DLG2: variants seen among roughly 807,000 people sequenced by gnomAD.
The protein encoded by DLG2 is discs large MAGUK scaffold protein 2, also known as disks large homolog 2.
Under a neutral mutation model 132.5 loss-of-function variants are expected in DLG2, and 45 were observed. The ratio of observed to expected loss-of-function variants is 0.34; its 90% CI spans 0.27 to 0.44. The LOEUF (loss-of-function observed/expected upper bound fraction) is 0.44, where lower values mean the gene tolerates loss of function less well. Ranked by LOEUF, DLG2 falls within the 20% of genes least tolerant of loss-of-function variation. DLG2 has a pLI of 1.00. For missense variants in DLG2, 1,045 were observed against 1,196.9 expected (o/e 0.87, Z 1.87); for synonymous variants, 424 against 419.6 (o/e 1.01, Z -0.13).
At chr11:84,624,857 CTTTTT>C (rs776520040) in intron 6 of DLG2, among the ~76,000 whole-genome samples, 5 of 76,198 alleles carry the variant, frequency 6.6e-5, no homozygotes, top group African/African-American at 2.3e-4. Context: ...GAGAGTCAAC[CTTTTT>C]TTTTTTTTTT....
chr11:84,531,775 T>C (rs1441523207), intron 7 of DLG2, among the ~76,000 whole-genome samples: 1 of 152,158 alleles, frequency 6.6e-6, no homozygotes, highest in African/African-American at 2.4e-5. Context: ...GTGCCCTCAA[T>C]AAAAGGCTAG....
At chr11:84,576,168 C>T (rs1014403856) in intron 6 of DLG2, among the ~76,000 whole-genome samples, 1 of 152,190 alleles carries the variant, frequency 6.6e-6, no homozygotes. Flanking sequence ...TATCATTCTG[C>T]CATATAATAC....
At chr11:83,928,783 A>T (rs780547789) in intron 15 of DLG2, among the ~76,000 whole-genome samples, 1 of 152,206 alleles carries the variant, frequency 6.6e-6, no homozygotes. Flanking sequence ...TATTGTGAGG[A>T]TTAAGAGAAA....
At chr11:85,399,215 A>G (rs1179632944) in intron 3 of DLG2, among the ~76,000 whole-genome samples, 3 of 152,104 alleles carry the variant, frequency 2.0e-5, no homozygotes, top group African/African-American at 4.8e-5. Context: ...TAGGAATCCA[A>G]CTTCCAGGGG....
At chr11:85,564,158 A>G (rs1301995442) in intron 3 of DLG2, among the ~76,000 whole-genome samples, 1 of 152,064 alleles carries the variant, frequency 6.6e-6, no homozygotes, top group Non-Finnish European at 1.5e-5. Context: ...TTATAATACA[A>G]GTCATTTGTC....
intron 6 of DLG2, among the ~76,000 whole-genome samples, chr11:84,547,282 T>TA (rs2154523275): frequency 6.6e-6 from 1 of 152,312 alleles, no homozygotes; most frequent in African/African-American, 2.4e-5. Flanking sequence ...TGCCTTTTAC[T>TA]GTTTTGAATT....
intron 8 of DLG2, among the ~76,000 whole-genome samples, chr11:84,205,517 A>C (rs1260868293): frequency 6.6e-6 from 1 of 151,586 alleles, no homozygotes; most frequent in African/African-American, 2.4e-5. Flanking sequence ...AAGGACTGAA[A>C]ACATAGACTA....
intron 6 of DLG2, among the ~76,000 whole-genome samples, chr11:84,683,577 C>A (rs896980990): frequency 6.6e-6 from 1 of 152,116 alleles, no homozygotes; most frequent in East Asian, 1.9e-4. Flanking sequence ...AACGAAAAGC[C>A]TCCTACACAA....
At chr11:84,472,266 G>A (rs2154490616) in intron 7 of DLG2, among the ~76,000 whole-genome samples, 1 of 151,964 alleles carries the variant, frequency 6.6e-6, no homozygotes, top group South Asian at 2.1e-4. Flanking sequence ...TGTCTAGCAT[G>A]CTACCTATTG....
intron 18 of DLG2, among the ~76,000 whole-genome samples, chr11:83,640,780 C>T (rs1391677574): frequency 6.6e-6 from 1 of 152,118 alleles, no homozygotes; most frequent in African/African-American, 2.4e-5. Context: ...TATCAAGAAA[C>T]CCTTCTATCA....
intron 7 of DLG2, among the ~76,000 whole-genome samples, chr11:84,521,072 C>T (rs1002811290): frequency 2.0e-5 from 3 of 152,168 alleles, no homozygotes; most frequent in Non-Finnish European, 2.9e-5. Flanking sequence ...TCAGAATTTA[C>T]ACAAGTACAC....
chr11:84,056,712 T>G lies in DLG2; in HGVS notation c.919+2603A>C, dbSNP rs982432572. On this transcript the variant is annotated intron_variant, in intron 11 of 27. Coordinates refer to ENST00000376104, the MANE Select transcript of DLG2 (RefSeq NM_001142699.3). ...GTAAAATCCAGTTTAAGTATTCAAC[T>G]TACTCTGATTCAGCACTAGCTGTGT... 1.1e-4 allele frequency among the ~76,000 whole-genome samples: 16 copies of G among 152,322 alleles called. No homozygotes were observed. The East Asian group carries it at 2.5e-3, about 24-fold the overall frequency.
chr11:85,529,367 C>T (rs138719253), intron 3 of DLG2, among the ~76,000 whole-genome samples: 3 of 152,270 alleles, frequency 2.0e-5, no homozygotes, highest in Admixed American at 6.5e-5. Flanking sequence ...CATTATCCAG[C>T]CAAATCTGAC....
At chr11:85,536,265 C>A (rs1401590681) in intron 3 of DLG2, among the ~76,000 whole-genome samples, 1 of 142,084 alleles carries the variant, frequency 7.0e-6, no homozygotes, top group Non-Finnish European at 1.5e-5. Context: ...TCCATACAGA[C>A]AATGTCAGGA....
chr11:83,823,970 G>A (rs781039412), intron 17 of DLG2, among the ~76,000 whole-genome samples: 75 of 152,068 alleles, frequency 4.9e-4, no homozygotes, highest in Non-Finnish European at 9.0e-4. Context: ...GGCCTGCATC[G>A]CAGAAAGAGC....
intron 7 of DLG2, among the ~76,000 whole-genome samples, chr11:84,367,945 T>C (rs1023656648): frequency 3.9e-5 from 6 of 152,182 alleles, no homozygotes; most frequent in African/African-American, 1.4e-4. Flanking sequence ...TCAGAGCCCG[T>C]AATAGATGCA....
At chr11:84,505,124 T>C (rs2099235174) in intron 7 of DLG2, among the ~76,000 whole-genome samples, 1 of 152,150 alleles carries the variant, frequency 6.6e-6, no homozygotes, top group Non-Finnish European at 1.5e-5. Flanking sequence ...GTTATGACCC[T>C]GGTGATATAG....
intron 16 of DLG2, among the ~76,000 whole-genome samples, chr11:83,837,723 C>CAAAAAAAAAAAAAAAAAAAAAAAAA (rs386374350): frequency 2.2e-5 from 1 of 45,948 alleles, no homozygotes; most frequent in Non-Finnish European, 3.6e-5. Flanking sequence ...ACATAGCAAG[C>CAAAAAAAAAAAAAAAAAAAAAAAAA]AAAAAAAAAA....
intron 3 of DLG2, among the ~76,000 whole-genome samples, chr11:85,569,505 T>G (rs928107390): frequency 2.0e-5 from 3 of 152,234 alleles, no homozygotes; most frequent in African/African-American, 7.2e-5. Flanking sequence ...ATTATTTAAT[T>G]TCAACATATT....
Sources: gnomAD v4.1 joint callset for allele counts (sites outside exome capture counted in the v4.1 genomes callset) on GRCh38, gnomAD v4.1.1 for gene constraint, MANE v1.5 for transcripts, NCBI Gene and HGNC (gene_info 2026-07-23, HGNC 2026-07-21) for gene names.